The following CNOT6L variants were observed in gnomAD, a reference collection of about 807,000 sequenced individuals.
CNOT6L encodes CCR4-NOT transcription complex subunit 6 like.
Under a neutral mutation model 64.0 loss-of-function variants are expected in CNOT6L, and 7 were observed. The ratio of observed to expected loss-of-function variants is 0.11; its 90% CI spans 0.06 to 0.21. The LOEUF is 0.21. Among genes scored for constraint, CNOT6L ranks in the 10% least tolerant of loss-of-function variants. The pLI is 1.00. For missense variants in CNOT6L, 245 were observed against 669.0 expected (o/e 0.37, Z 6.99); for synonymous variants, 193 against 243.4 (o/e 0.79, Z 1.93).
At chr4:77,760,937 TG>T (rs1726156244) in intron 4 of CNOT6L, among the ~76,000 whole-genome samples, 1 of 141,116 alleles carries the variant, frequency 7.1e-6, no homozygotes, top group South Asian at 2.4e-4. Flanking sequence ...AGGATGGTCT[TG>T]ATCTCCTGAC....
intron 9 of CNOT6L, 146 bp from the exon 10 acceptor site, chr4:77,729,227 A>G (rs1722178835): frequency 1.6e-6 from 1 of 643,094 alleles, no homozygotes; most frequent in Non-Finnish European, 2.7e-6. Context: ...TCATAAAGTA[A>G]TTCTTAGAAG....
intron 1 of CNOT6L, among the ~76,000 whole-genome samples, chr4:77,790,607 G>A (rs1247191523): frequency 1.3e-5 from 2 of 152,016 alleles, no homozygotes; most frequent in Non-Finnish European, 2.9e-5. Flanking sequence ...ATTCTAAAAG[G>A]TACACTGGTA....
chr4:77,789,135 CAG>C (rs1404823298), intron 1 of CNOT6L, among the ~76,000 whole-genome samples: 1 of 152,126 alleles, frequency 6.6e-6, no homozygotes, highest in Non-Finnish European at 1.5e-5. Context: ...AAGGTAAACA[CAG>C]AATGATTCAA....
At chr4:77,752,883 A>G (rs961985202) in intron 5 of CNOT6L, among the ~76,000 whole-genome samples, 6 of 151,966 alleles carry the variant, frequency 3.9e-5, no homozygotes, top group African/African-American at 1.4e-4. Context: ...AACATACAAT[A>G]AAGAAGACCA....
intron 3 of CNOT6L, among the ~76,000 whole-genome samples, chr4:77,774,273 G>C (rs551407322): frequency 6.6e-6 from 1 of 152,074 alleles, no homozygotes; most frequent in Admixed American, 6.5e-5. Flanking sequence ...ATTGGATAAT[G>C]AGACTTACTA....
chr4:77,720,670 A>G (rs746124514), intron 11 of CNOT6L, 27 bp from the exon 12 acceptor site: 4 of 1,609,082 alleles, frequency 2.5e-6, no homozygotes, highest in East Asian at 2.2e-5. Flanking sequence ...AATAGGAAAA[A>G]AAGAAAAATT....
At chr4:77,753,849 T>C (rs914899782) in intron 5 of CNOT6L, among the ~76,000 whole-genome samples, 1 of 150,276 alleles carries the variant, frequency 6.7e-6, no homozygotes, top group Non-Finnish European at 1.5e-5. Flanking sequence ...AAAAATAATC[T>C]ACTCATCTTA....
chr4:77,819,751 G>T (rs1020322250), upstream of CNOT6L: 1 of 151,838 alleles, frequency 6.6e-6, no homozygotes, highest in Non-Finnish European at 1.5e-5. Flanking sequence ...GGCACCGGCC[G>T]GAGGGGATGC....
chr4:77,802,990 AAATTT>A (rs1731764201), intron 1 of CNOT6L, among the ~76,000 whole-genome samples: 1 of 152,246 alleles, frequency 6.6e-6, no homozygotes, highest in Non-Finnish European at 1.5e-5. Context: ...AGTATTTTAA[AAATTT>A]AATGTCTATA....
chr4:77,786,393 G>A lies in CNOT6L; in HGVS notation c.6-10001C>T, dbSNP rs1056010265. ...TTTGGGAGGCTGAGGTGGAAGGATC[G>A]TGCTTAAGTCCAAGAGTTCAAGACC... is the stretch of plus-strand genomic sequence containing the variant. On this transcript the variant is annotated intron_variant, in intron 1 of 11. Coordinates refer to ENST00000504123, the MANE Select transcript of CNOT6L (RefSeq NM_144571.3). Among the ~76,000 whole-genome samples, 11 of 151,966 alleles carry A rather than the reference G, an allele frequency of 7.2e-5. No individual in the cohort carries two copies. The East Asian group carries it at 7.7e-4, about 11-fold the overall frequency.
rs184610464 is a variant in CNOT6L at position 77,771,248 on chromosome 4, G to A, written c.400+1833C>T. On this transcript the variant is annotated intron_variant, in intron 4 of 11. Transcript: ENST00000504123. ...GAATCACTTGAACCTGGGAGGCGGA[G>A]GTTGCCGGGAGGCGGTGGTTGCAGT... 4.3e-3 allele frequency among the ~76,000 whole-genome samples: 656 copies of A among 152,228 alleles called. 6 individuals carry two copies. The highest frequency in any genetic ancestry group is 0.015 in the African/African-American group (619 of 41,538).
chr4:77,738,280 T>C (rs1723193609), intron 8 of CNOT6L, among the ~76,000 whole-genome samples: 2 of 152,094 alleles, frequency 1.3e-5, no homozygotes, highest in Admixed American at 1.3e-4. Context: ...AAATAAAGCA[T>C]GATAAGGAGG....
chr4:77,800,777 A>G (rs1025971131), intron 1 of CNOT6L, among the ~76,000 whole-genome samples: 1 of 152,230 alleles, frequency 6.6e-6, no homozygotes, highest in African/African-American at 2.4e-5. Context: ...AAATCTTAGT[A>G]GCCCAACTGT....
chr4:77,744,383 AT>A (rs1211536181), intron 7 of CNOT6L, among the ~76,000 whole-genome samples: 2 of 152,126 alleles, frequency 1.3e-5, no homozygotes, highest in African/African-American at 2.4e-5. Context: ...TACAAGGTAA[AT>A]TTATATTCCT....
At position 77,797,102 on chromosome 4, in the gene CNOT6L, C is replaced by A. The variant is rs1440868445; in HGVS notation, c.6-20710G>T. Reference sequence around the variant, plus strand: ...AGCCTGACAGAGGAAGACCTTGTCTCAAAAAAAAAAAAAAAAAAAAAAAAC... The same window carrying A: ...AGCCTGACAGAGGAAGACCTTGTCTAAAAAAAAAAAAAAAAAAAAAAAAAC... On this transcript the variant is annotated intron_variant, in intron 1 of 11. Transcript: ENST00000504123. 2.9e-3 allele frequency among the ~76,000 whole-genome samples: 153 copies of A among 52,950 alleles called. 1 individual carries two copies. Among genetic ancestry groups the A allele is most frequent in the African/African-American group, 4.0e-3 (50 of 12,464 alleles). The allele number at this position is 52,950 out of a possible 152,430, so 34.7% of individuals were successfully genotyped here.
chr4:77,749,930 A>C (rs1724664869), intron 5 of CNOT6L, among the ~76,000 whole-genome samples: 1 of 152,234 alleles, frequency 6.6e-6, no homozygotes, highest in Admixed American at 6.5e-5. Context: ...GGATTCAAAA[A>C]GATATCCATT....
At chr4:77,753,514 C>A (rs1409332964) in intron 5 of CNOT6L, among the ~76,000 whole-genome samples, 1 of 151,666 alleles carries the variant, frequency 6.6e-6, no homozygotes, top group Non-Finnish European at 1.5e-5. Flanking sequence ...CTACTAAAAA[C>A]ATAAAAATTA....
chr4:77,714,492 C>T lies in CNOT6L; in HGVS notation c.*5939G>A. On this transcript the variant is annotated 3_prime_UTR_variant, in exon 12 of 12. Transcript: ENST00000504123. The stretch of plus-strand genomic sequence containing the variant: ...AAAAAAAAAGCCCTCCATACTTCCC[C>T]ACTCCAGAGACAACAAAGCCAAAGA... 7.1e-6 allele frequency: 1 copy of T among 141,294 alleles called. No individual in the cohort carries two copies. The highest frequency in any genetic ancestry group is 1.5e-5 in the Non-Finnish European group (1 of 65,626). 8.8% of individuals were successfully genotyped at this position (141,294 alleles called of 1,614,324 possible).
At chr4:77,762,463 A>C (rs951284802) in intron 4 of CNOT6L, among the ~76,000 whole-genome samples, 1 of 152,158 alleles carries the variant, frequency 6.6e-6, no homozygotes, top group African/African-American at 2.4e-5. Flanking sequence ...TCCCATGTAG[A>C]AAGTATAATC....
Sources: gnomAD v4.1 joint callset for allele counts (sites outside exome capture counted in the v4.1 genomes callset) on GRCh38, gnomAD v4.1.1 for gene constraint, MANE v1.5 for transcripts, NCBI Gene and HGNC (gene_info 2026-07-23, HGNC 2026-07-21) for gene names.